Variants in BLTP2 observed in about 807,000 individuals in gnomAD.
BLTP2 encodes the protein bridge-like lipid transfer protein family member 2.
At chr17:28,628,933 C>CA in the BLTP2 span, among the ~76,000 whole-genome samples, 419 of 116,852 alleles carry the variant, frequency 3.6e-3, 2 homozygotes, top group Middle Eastern at 0.013. Context: ...GACGCAGTCT[C>CA]AAAAAAAAAA....
chr17:28,642,475 C>T, the BLTP2 span: 1 of 690,324 alleles, frequency 1.4e-6, no homozygotes, highest in South Asian at 1.6e-5. Context: ...CACGGTGAAA[C>T]CTCATCTCTA....
the BLTP2 span, among the ~76,000 whole-genome samples, chr17:28,625,818 T>G: frequency 6.6e-6 from 1 of 152,074 alleles, no homozygotes; most frequent in East Asian, 1.9e-4. Context: ...CAGGCTGGAG[T>G]GCAATGGCGC....
At chr17:28,623,741 C>T in the BLTP2 span, 1 of 1,609,862 alleles carries the variant, frequency 6.2e-7, no homozygotes, top group Non-Finnish European at 8.5e-7. Context: ...AATGGGCCTT[C>T]ACAAACTCAC....
At chr17:28,621,098 A>G in the BLTP2 span, 1 of 1,614,218 alleles carries the variant, frequency 6.2e-7, no homozygotes, top group South Asian at 1.1e-5. Context: ...AATATAGTAC[A>G]TTCGGCAGTT....
chr17:28,631,659 A>T, the BLTP2 span: 2 of 1,614,174 alleles, frequency 1.2e-6, no homozygotes, highest in South Asian at 2.2e-5. Flanking sequence ...AATCAGAGAT[A>T]AGGCGCCGCA....
At chr17:28,635,150 G>A in the BLTP2 span, 55 of 1,613,722 alleles carry the variant, frequency 3.4e-5, no homozygotes, top group South Asian at 5.5e-5. Context: ...ACACGGTTCC[G>A]GAGGGTCTGC....
chr17:28,633,435 G>A, the BLTP2 span: 1 of 1,596,338 alleles, frequency 6.3e-7, no homozygotes, highest in South Asian at 1.1e-5. Context: ...GTGAGATATA[G>A]GTAAGAAAAC....
the BLTP2 span, among the ~76,000 whole-genome samples, chr17:28,637,418 A>G: frequency 6.6e-6 from 1 of 152,242 alleles, no homozygotes; most frequent in Admixed American, 6.5e-5. Flanking sequence ...AACTAAACAC[A>G]CAAGGAAATA....
chr17:28,634,523 A>G, the BLTP2 span: 1 of 1,611,292 alleles, frequency 6.2e-7, no homozygotes, highest in Non-Finnish European at 8.5e-7. Flanking sequence ...TTACCCAGAA[A>G]GCTCTTGACA....
the BLTP2 span, among the ~76,000 whole-genome samples, chr17:28,618,207 A>AC: frequency 6.6e-6 from 1 of 152,028 alleles, no homozygotes; most frequent in Admixed American, 6.5e-5. Flanking sequence ...TGCTGGGATT[A>AC]CAGGTGTGAG....
chr17:28,627,072 C>T, the BLTP2 span, among the ~76,000 whole-genome samples: 1 of 152,184 alleles, frequency 6.6e-6, no homozygotes, highest in African/African-American at 2.4e-5. Flanking sequence ...AGAGGACACC[C>T]AACTGGTGTC....
chr17:28,625,811 G>A, the BLTP2 span, among the ~76,000 whole-genome samples: 1 of 151,996 alleles, frequency 6.6e-6, no homozygotes, highest in Admixed American at 6.6e-5. Context: ...TGTTGCCCAG[G>A]CTGGAGTGCA....
the BLTP2 span, chr17:28,614,782 C>T: frequency 1.3e-5 from 3 of 237,770 alleles, no homozygotes; most frequent in Non-Finnish European, 2.4e-5. Flanking sequence ...ATCCCCCTAC[C>T]CTTTCACTTG....
chr17:28,643,910 A>T, the BLTP2 span: 5 of 1,083,568 alleles, frequency 4.6e-6, no homozygotes, highest in Non-Finnish European at 6.7e-6. Flanking sequence ...TTCTCCAACT[A>T]GCTCTAAGAT....
At chr17:28,622,321 C>T in the BLTP2 span, among the ~76,000 whole-genome samples, 1 of 152,202 alleles carries the variant, frequency 6.6e-6, no homozygotes, top group Non-Finnish European at 1.5e-5. Context: ...CGGTCCCTTA[C>T]ACGGCTTAAC....
chr17:28,630,128 T>G, the BLTP2 span, among the ~76,000 whole-genome samples: 12 of 152,068 alleles, frequency 7.9e-5, 1 homozygote, highest in African/African-American at 2.4e-4. Flanking sequence ...CCTCCCAGAG[T>G]GCTGGGATTA....
At chr17:28,616,177 G>C in the BLTP2 span, 2 of 1,614,016 alleles carry the variant, frequency 1.2e-6, no homozygotes, top group Non-Finnish European at 8.5e-7. The surrounding 1 kb of genome is among the most constrained non-coding windows in gnomAD (Gnocchi z 4.8). Flanking sequence ...CTTTCATCTT[G>C]TCAATGTCAT....
the BLTP2 span, chr17:28,639,964 G>A: frequency 9.3e-5 from 150 of 1,613,944 alleles, no homozygotes; most frequent in Non-Finnish European, 3.4e-6. Context: ...CTTCGAAGGG[G>A]CAGCTGATCC....
the BLTP2 span, chr17:28,616,819 A>G: frequency 2.5e-6 from 4 of 1,608,772 alleles, no homozygotes; most frequent in South Asian, 2.2e-5. The surrounding 1 kb of genome is among the most constrained non-coding windows in gnomAD (Gnocchi z 4.8). Flanking sequence ...CCTACTCCTA[A>G]TATCGTGTAA....
Sources: gnomAD v4.1 joint callset for allele counts (sites outside exome capture counted in the v4.1 genomes callset) on GRCh38, gnomAD v4.1.1 for gene constraint, Gnocchi (gnomAD v3.1) non-coding constraint, MANE v1.5 for transcripts, NCBI Gene and HGNC (gene_info 2026-07-23, HGNC 2026-07-21) for gene names.